Variants in HIPK1 observed in about 807,000 individuals in gnomAD.
The protein encoded by HIPK1 is homeodomain interacting protein kinase 1.
In HIPK1, 28 loss-of-function variants were observed where a neutral mutation model predicts 117.1. That is an observed-to-expected ratio of 0.24 (90% CI 0.18 to 0.33). The LOEUF (loss-of-function observed/expected upper bound fraction) is 0.33. HIPK1 is among the 10% of genes least tolerant of loss of function. The pLI is 1.00. For missense variants in HIPK1, 1,122 were observed against 1,475.1 expected (o/e 0.76, Z 3.92); for synonymous variants, 605 against 562.5 (o/e 1.08, Z -1.07).
chr1:113,949,600 C>CTTTTTTTTT (rs11465018), intron 2 of HIPK1, among the ~76,000 whole-genome samples: 1 of 133,376 alleles, frequency 7.5e-6, no homozygotes, highest in Non-Finnish European at 1.6e-5. Context: ...CTTTTCTTTT[C>CTTTTTTTTT]TTTTTTTTTT....
intron 1 of HIPK1, chr1:113,929,816 G>T (rs1415336833): frequency 1.0e-6 from 1 of 983,620 alleles, no homozygotes. Context: ...GGGGGCGGGG[G>T]CCGGGGCCCG....
Position 113,970,188 on chromosome 1 carries a change from C to G in HIPK1, c.3004C>G (p.Gln1002Glu), listed in dbSNP as rs1672728913. Residue 1002 changes from glutamine to glutamate, a missense_variant, in exon 14 of 16, where the codon CAG (glutamine) becomes GAG (glutamate). Transcript: ENST00000426820. ...TQLGDCTVAT[Q>E]ASGLLSNKTK... ...GCTTGGTGACTGCACTGTAGCAACC[C>G]AGGCCTCAGGTCAGTGTTATCTTCA... The G allele has an allele frequency of 6.2e-7, 1 of 1,614,052 alleles. No individual in the cohort carries two copies. Among genetic ancestry groups the G allele is most frequent in the Non-Finnish European group, 8.5e-7 (1 of 1,180,002 alleles).
chr1:113,939,338 T>TG (rs1235882609), intron 1 of HIPK1, among the ~76,000 whole-genome samples: 10 of 119,280 alleles, frequency 8.4e-5, no homozygotes, highest in South Asian at 2.6e-4. Context: ...TTTTTTTTTT[T>TG]TTTTGTTGTT....
intron 15 of HIPK1, among the ~76,000 whole-genome samples, chr1:113,972,562 A>G (rs928984877): frequency 6.6e-6 from 1 of 152,224 alleles, no homozygotes; most frequent in Non-Finnish European, 1.5e-5. Context: ...GGTATGTGAG[A>G]GAGAGCACAT....
chr1:113,973,518 G>T lies in HIPK1; in HGVS notation c.*6G>T. On this transcript the variant is annotated 3_prime_UTR_variant, in exon 16 of 16. Coordinates refer to ENST00000426820, the MANE Select transcript of HIPK1 (RefSeq NM_198268.3). ...GCCAGTATTCCTACTTATAGTTGGT[G>T]AGCATGAGGGAGGAGGAATCATGGC... The T allele has an allele frequency of 6.4e-7, 1 of 1,563,172 alleles. No homozygotes were observed. The highest frequency in any genetic ancestry group is 8.7e-7 in the Non-Finnish European group (1 of 1,151,072).
At chr1:113,936,138 T>G (rs1204299144) in intron 1 of HIPK1, among the ~76,000 whole-genome samples, 2 of 152,206 alleles carry the variant, frequency 1.3e-5, no homozygotes, top group African/African-American at 4.8e-5. Flanking sequence ...TTGTGTTAAT[T>G]GAGGTCAGAA....
chr1:113,936,602 T>C (rs953807403), intron 1 of HIPK1, among the ~76,000 whole-genome samples: 5 of 152,186 alleles, frequency 3.3e-5, no homozygotes, highest in African/African-American at 1.2e-4. Flanking sequence ...GTAGCTGGGA[T>C]TACAAGTGCG....
intron 11 of HIPK1, among the ~76,000 whole-genome samples, 154 bp downstream of exon 11, chr1:113,966,426 T>TA: frequency 6.6e-6 from 1 of 152,370 alleles, no homozygotes; most frequent in South Asian, 2.1e-4. Context: ...GAGATGGTGT[T>TA]ATAAGAAAAC....
chr1:113,952,747 T>A lies in HIPK1; in HGVS notation c.1077-19T>A. 7.0e-7 allele frequency: 1 copy of A among 1,437,320 alleles called. No individual in the cohort carries two copies. Among genetic ancestry groups the A allele is most frequent in the Non-Finnish European group, 9.2e-7 (1 of 1,087,212 alleles). 89.0% of individuals were successfully genotyped at this position (1,437,320 alleles called of 1,614,324 possible). A position where few individuals can be genotyped will look rare whatever the true frequency, so the allele number is the denominator to read the frequency against. ...TAATGTTTTTTTTTTTTTAATCTGA[T>A]ATTTTTTGTTTTTGCTAGAGCTCCT... On this transcript the variant is annotated intron_variant, in intron 2 of 15. Transcript: ENST00000426820.
intron 3 of HIPK1, 34 bp downstream of exon 3, chr1:113,952,923 A>C: frequency 6.9e-7 from 1 of 1,438,972 alleles, no homozygotes; most frequent in Non-Finnish European, 9.2e-7. Context: ...AATAGAATGC[A>C]AATAGTTACT....
At position 113,929,534 on chromosome 1, in the gene HIPK1, T is replaced by C. The variant is rs1435922610; in HGVS notation, c.-3+2T>C. 4.7e-6 allele frequency: 6 copies of C among 1,287,126 alleles called. No individual in the cohort carries two copies. Among genetic ancestry groups the C allele is most frequent in the Non-Finnish European group, 5.1e-6 (5 of 987,338 alleles). 79.7% of individuals were successfully genotyped at this position (1,287,126 alleles called of 1,614,324 possible). ...CCATTCAGCTGCACTTCCGCCTCAG[T>C]AGGTGTCATGGCGCGGGGCGGGTGA... On this transcript the variant is annotated splice_donor_variant, in intron 1 of 15. Transcript: ENST00000426820. LOFTEE classifies it low-confidence loss of function (5UTR_SPLICE).
intron 2 of HIPK1, among the ~76,000 whole-genome samples, chr1:113,950,975 TTAAAC>T (rs1671325651): frequency 1.3e-5 from 2 of 152,196 alleles, no homozygotes; most frequent in Non-Finnish European, 1.5e-5. Flanking sequence ...AGCGCTGCCA[TTAAAC>T]TAAAATATAC....
At position 113,973,662 on chromosome 1, in the gene HIPK1, C is replaced by A. The variant is rs1672996703; in HGVS notation, c.*150C>A. On this transcript the variant is annotated 3_prime_UTR_variant, in exon 16 of 16. Coordinates refer to ENST00000426820, the MANE Select transcript of HIPK1 (RefSeq NM_198268.3). ...GGGCCCACTGAAGCAGAAGGTTTTTCTCTGGGGGAACCTGTCTCAGTGTTG... is the reference window on the plus strand; with the variant it reads ...GGGCCCACTGAAGCAGAAGGTTTTTATCTGGGGGAACCTGTCTCAGTGTTG... 4 of 832,262 alleles carry A rather than the reference C, an allele frequency of 4.8e-6. No homozygotes were observed. Among genetic ancestry groups the A allele is most frequent in the Non-Finnish European group, 5.4e-6 (3 of 559,852 alleles). 51.6% of individuals were successfully genotyped at this position (832,262 alleles called of 1,614,324 possible).
rs141000867 is a variant in HIPK1, at chr1:113,962,091, A to G, written c.1982-226A>G. ...TAAAAAAAATTTAGAATTCTTTTAAACCATCCCTCACTATATCAAACATCT... is the reference window on the plus strand; with the variant it reads ...TAAAAAAAATTTAGAATTCTTTTAAGCCATCCCTCACTATATCAAACATCT... On this transcript the variant is annotated intron_variant, in intron 8 of 15. Transcript: ENST00000426820. Among the ~76,000 whole-genome samples, 215 of 152,226 alleles carry G rather than the reference A, an allele frequency of 1.4e-3. 1 individual carries two copies. The highest frequency in any genetic ancestry group is 5.1e-3 in the African/African-American group (210 of 41,534).
rs766634943 is a variant in HIPK1, at chr1:113,971,883, T to C, written c.3073T>C (p.Cys1025Arg). ...ASVSGQSSGC[C>R]ITPTGYRAQR... The stretch of plus-strand genomic sequence containing the variant: ...AGTGAGTGGGCAGTCATCTGGATGC[T>C]GTATCACCCCCACAGGGTATCGAGC... Residue 1025 changes from cysteine to arginine, a missense_variant, in exon 15 of 16, where the codon TGT becomes CGT. By Grantham distance (180) the Cys-to-Arg change is radical (BLOSUM62 -3). Around this residue, in one of 6 missense-constraint regions of HIPK1, gnomAD observed 731 missense variants for 860.4 expected, o/e 0.85. Coordinates refer to ENST00000426820, the MANE Select transcript of HIPK1 (RefSeq NM_198268.3). 44 of 1,602,216 alleles carry C rather than the reference T, an allele frequency of 2.7e-5. No individual in the cohort carries two copies. Among genetic ancestry groups the C allele is most frequent in the Non-Finnish European group, 3.6e-5 (42 of 1,176,110 alleles).
At chr1:113,935,404 T>C (rs530246475) in intron 1 of HIPK1, among the ~76,000 whole-genome samples, 1 of 152,338 alleles carries the variant, frequency 6.6e-6, no homozygotes, top group East Asian at 1.9e-4. Flanking sequence ...GGTGTATATG[T>C]ATCACATTTT....
chr1:113,949,345 A>G (rs1307186780), intron 2 of HIPK1, among the ~76,000 whole-genome samples: 4 of 152,156 alleles, frequency 2.6e-5, no homozygotes, highest in Admixed American at 2.6e-4. Context: ...TATTTTTGGC[A>G]TTGTCATGAA....
chr1:113,943,501 A>G (rs546570402), intron 2 of HIPK1, among the ~76,000 whole-genome samples: 3 of 152,310 alleles, frequency 2.0e-5, no homozygotes, highest in Admixed American at 6.5e-5. Context: ...CATTGTTTGT[A>G]TATACCACAT....
chr1:113,937,288 C>G (rs1670316844), intron 1 of HIPK1, among the ~76,000 whole-genome samples: 2 of 152,118 alleles, frequency 1.3e-5, no homozygotes, highest in South Asian at 4.1e-4. Context: ...TAGTTGTATT[C>G]AGGCACAAAG....
Sources: allele counts gnomAD v4.1 joint callset (sites outside exome capture counted in the v4.1 genomes callset), GRCh38; gene constraint gnomAD v4.1.1; regional missense constraint gnomAD v4.1.1; transcripts MANE v1.5; gene names NCBI Gene and HGNC (gene_info 2026-07-23, HGNC 2026-07-21).